The following H3-3B variants were observed in gnomAD, a reference collection of about 807,000 sequenced individuals.
The protein encoded by H3-3B is H3.3 histone B.
In H3-3B, 2 loss-of-function variants were observed where a neutral mutation model predicts 13.1. The ratio of observed to expected loss-of-function variants is 0.15; its 90% CI spans 0.06 to 0.48. The LOEUF (loss-of-function observed/expected upper bound fraction) is 0.48. Among genes scored for constraint, H3-3B ranks in the 20% least tolerant of loss-of-function variants. The probability of loss-of-function intolerance (pLI) is 0.97; values close to 1 mark genes in which losing one functional copy is unlikely to be tolerated. For missense variants in H3-3B, 39 were observed against 186.0 expected (o/e 0.21, Z 4.60); for synonymous variants, 133 against 75.8 (o/e 1.76, Z -3.92).
chr17:75,779,429 G>T (rs1233990583), intron 1 of H3-3B: 4 of 334,544 alleles, frequency 1.2e-5, no homozygotes, highest in Non-Finnish European at 2.1e-5. Context: ...TCCTCGACGG[G>T]CGGAGGCCCG....
At position 75,779,082 on chromosome 17, in the gene H3-3B, G is replaced by C. The variant is rs746293947; in HGVS notation, c.93C>G (p.Pro31=). 6.7e-5 allele frequency: 107 copies of C among 1,607,098 alleles called. No homozygotes were observed. Among genetic ancestry groups the C allele is most frequent in the Non-Finnish European group, 8.4e-5 (99 of 1,177,444 alleles). ...GAGGCTTCTTCACCCCGCCGGTAGAGGGAGCGCTTTTCCTGGCGGCTTTCG... is the reference window on the plus strand; with the variant it reads ...GAGGCTTCTTCACCCCGCCGGTAGACGGAGCGCTTTTCCTGGCGGCTTTCG... ...LATKAARKSA[P]STGGVKKPHR... is the part of the protein sequence containing the mutation. The change falls in exon 2 of 4, where the codon CCC becomes CCG. Residue 31 remains proline, a synonymous_variant. Coordinates refer to ENST00000254810, the MANE Select transcript of H3-3B (RefSeq NM_005324.5).
At position 75,778,256 on chromosome 17, in the gene H3-3B, C is replaced by T. The variant is rs1347488706; in HGVS notation, c.*339G>A. 1 of 223,546 alleles carries T rather than the reference C, an allele frequency of 4.5e-6. No homozygotes were observed. Among genetic ancestry groups the T allele is most frequent in the East Asian group, 1.2e-4 (1 of 8,672 alleles). The allele number at this position is 223,546 out of a possible 1,614,324, so 13.8% of individuals were successfully genotyped here. A position where few individuals can be genotyped will look rare whatever the true frequency, so the allele number is the denominator to read the frequency against. ...CAATTGTTAAACACTTGGATCAAGT[C>T]ATAACCAGTTTTATTGCAAAAGGAC... On this transcript the variant is annotated 3_prime_UTR_variant, in exon 4 of 4. Coordinates refer to ENST00000254810, the MANE Select transcript of H3-3B (RefSeq NM_005324.5).
At chr17:75,779,592 G>C (rs1444482330) in intron 1 of H3-3B, 65 bp downstream of exon 1, 1 of 155,344 alleles carries the variant, frequency 6.4e-6, no homozygotes, top group East Asian at 1.9e-4. Context: ...GCTCCCAACG[G>C]CCGCGGCGCG....
At position 75,778,578 on chromosome 17, in the gene H3-3B, A is replaced by G. The variant is rs543139829; in HGVS notation, c.*17T>C. Reference sequence around the variant, plus strand: ...TTTACAGAATTTACTACAAAACGCCATAAAAACTGCCTTCACTTAAGCTCT... The same window carrying G: ...TTTACAGAATTTACTACAAAACGCCGTAAAAACTGCCTTCACTTAAGCTCT... On this transcript the variant is annotated 3_prime_UTR_variant, in exon 4 of 4. Transcript: ENST00000254810. 25 of 1,603,288 alleles carry G rather than the reference A, an allele frequency of 1.6e-5. No homozygotes were observed. The East Asian group carries it at 4.0e-4, about 26-fold the overall frequency.
intron 1 of H3-3B, chr17:75,779,450 A>C: frequency 3.4e-6 from 1 of 291,612 alleles, no homozygotes; most frequent in South Asian, 1.4e-4. Flanking sequence ...ACTGCCCGGA[A>C]CCCGGCGTCG....
At position 75,776,454 on chromosome 17, in the gene H3-3B, TTA is replaced by T. The variant is rs1166351935; in HGVS notation, c.*2139_*2140del. 7 of 152,310 alleles carry T rather than the reference TTA, an allele frequency of 4.6e-5. No individual in the cohort carries two copies. Among genetic ancestry groups the T allele is most frequent in the Admixed American group, 1.3e-4 (2 of 15,294 alleles). The allele number at this position is 152,310 out of a possible 1,614,324, so 9.4% of individuals were successfully genotyped here. ...AAATCTTAACTTCAAAAATTTTATT[TTA>T]GTCTCATCCATCAAGGGCATAGGAT... On this transcript the variant is annotated 3_prime_UTR_variant, in exon 4 of 4. Coordinates refer to ENST00000254810, the MANE Select transcript of H3-3B (RefSeq NM_005324.5).
rs1599343122 is a variant in H3-3B at position 75,778,435 on chromosome 17, G to A, written c.*160C>T. On this transcript the variant is annotated 3_prime_UTR_variant, in exon 4 of 4. Transcript: ENST00000254810. ...GAGCAACAGTGCTCACATCACTGAG[G>A]TCTGTGAACAGTCACTTTTCGCATT... 5.1e-6 allele frequency: 5 copies of A among 973,318 alleles called. No individual in the cohort carries two copies. Among genetic ancestry groups the A allele is most frequent in the South Asian group, 1.6e-5 (1 of 61,668 alleles). 60.3% of individuals were successfully genotyped at this position (973,318 alleles called of 1,614,324 possible).
rs891146876 is a variant in H3-3B, at chr17:75,777,680, C to T, written c.*915G>A. 1 of 152,356 alleles carries T rather than the reference C, an allele frequency of 6.6e-6. No individual in the cohort carries two copies. The highest frequency in any genetic ancestry group is 1.5e-5 in the Non-Finnish European group (1 of 68,024). 9.4% of individuals were successfully genotyped at this position (152,356 alleles called of 1,614,324 possible). On this transcript the variant is annotated 3_prime_UTR_variant, in exon 4 of 4. Coordinates refer to ENST00000254810, the MANE Select transcript of H3-3B (RefSeq NM_005324.5). Reference sequence around the variant, plus strand: ...CCAAGTTTTTATAATACAAATGCCACAAGAAAAAGAACTTCGGTACTGTTT... The same window carrying T: ...CCAAGTTTTTATAATACAAATGCCATAAGAAAAAGAACTTCGGTACTGTTT...
Position 75,778,977 on chromosome 17 carries a change from G to C in H3-3B, c.129-14C>G, listed in dbSNP as rs766917543. ...ACGGTCCCGGGCCTGCAGCGAGCAG[G>C]GGAGGAGTGAGCGGACGCTGCCGCA... is the stretch of plus-strand genomic sequence containing the variant. On this transcript the variant is annotated splice_polypyrimidine_tract_variant and intron_variant, in intron 2 of 3. Transcript: ENST00000254810. The C allele has an allele frequency of 6.2e-7, 1 of 1,613,906 alleles. No homozygotes were observed. Among genetic ancestry groups the C allele is most frequent in the African/African-American group, 1.3e-5 (1 of 74,952 alleles).
chr17:75,777,391 T>C lies in H3-3B; in HGVS notation c.*1204A>G, dbSNP rs1286990876. On this transcript the variant is annotated 3_prime_UTR_variant, in exon 4 of 4. Coordinates refer to ENST00000254810, the MANE Select transcript of H3-3B (RefSeq NM_005324.5). ...AAATGATCTAAGTTCAAAACATTAG[T>C]ATACAAGGACCTAGATAATGGGACA... The C allele has an allele frequency of 1.3e-5, 2 of 152,636 alleles. No homozygotes were observed. Among genetic ancestry groups the C allele is most frequent in the African/African-American group, 4.8e-5 (2 of 41,456 alleles). 9.5% of individuals were successfully genotyped at this position (152,636 alleles called of 1,614,324 possible). A position where few individuals can be genotyped will look rare whatever the true frequency, so the allele number is the denominator to read the frequency against.
rs1392198991 is a variant in H3-3B at position 75,776,996 on chromosome 17, A to AC, written c.*1598dup. 6.6e-6 allele frequency: 1 copy of AC among 152,198 alleles called. No homozygotes were observed. Among genetic ancestry groups the AC allele is most frequent in the Non-Finnish European group, 1.5e-5 (1 of 68,038 alleles). 9.4% of individuals were successfully genotyped at this position (152,198 alleles called of 1,614,324 possible). On this transcript the variant is annotated 3_prime_UTR_variant, in exon 4 of 4. Coordinates refer to ENST00000254810, the MANE Select transcript of H3-3B (RefSeq NM_005324.5). ...CTCCAAAATATCACATTTGAAACTA[A>AC]CCCAAACTTTTGAGAAAGCAATTTT...
rs750002250 is a variant in H3-3B, at chr17:75,778,791, C to T, written c.282+19G>A. ...CGGAAACCGCCCAGCCCTCCCCCGG[C>T]TCCAGGCCTTTGTCTTACCTGCAGC... On this transcript the variant is annotated intron_variant, in intron 3 of 3. Transcript: ENST00000254810. 1.2e-6 allele frequency: 2 copies of T among 1,614,158 alleles called. No homozygotes were observed. The highest frequency in any genetic ancestry group is 8.5e-7 in the Non-Finnish European group (1 of 1,180,016).
intron 1 of H3-3B, 64 bp downstream of exon 1, chr17:75,779,593 C>CCGCGGCG (rs1298630263): frequency 1.3e-5 from 2 of 155,554 alleles, no homozygotes; most frequent in African/African-American, 2.4e-5. Context: ...CTCCCAACGG[C>CCGCGGCG]CGCGGCGCGC....
In H3-3B at chr17:75,779,204, G is replaced by A. The variant is rs140117815; in HGVS notation, c.-10-20C>T. On this transcript the variant is annotated intron_variant, in intron 1 of 3. Coordinates refer to ENST00000254810, the MANE Select transcript of H3-3B (RefSeq NM_005324.5). ...TTTCACCTAAGAAAGACGCCCCGAAGATAAGGCCGCCGCGCTCACCCGGGC... is the reference window on the plus strand; with the variant it reads ...TTTCACCTAAGAAAGACGCCCCGAAAATAAGGCCGCCGCGCTCACCCGGGC... 1.1e-3 allele frequency: 1,600 copies of A among 1,469,984 alleles called. 3 individuals carry two copies. The highest frequency in any genetic ancestry group is 1.0e-3 in the Non-Finnish European group (1,156 of 1,110,912). The allele number at this position is 1,469,984 out of a possible 1,614,324, so 91.1% of individuals were successfully genotyped here. A position where few individuals can be genotyped will look rare whatever the true frequency, so the allele number is the denominator to read the frequency against.
In H3-3B at chr17:75,778,497, T is replaced by G; in HGVS notation, c.*98A>C. ...AAAGATGGAATGACTTAAGTACAAA[T>G]GCAACATATTATAAACAATTTCTTA... On this transcript the variant is annotated 3_prime_UTR_variant, in exon 4 of 4. Coordinates refer to ENST00000254810, the MANE Select transcript of H3-3B (RefSeq NM_005324.5). 1 of 1,485,516 alleles carries G rather than the reference T, an allele frequency of 6.7e-7. No individual in the cohort carries two copies. The highest frequency in any genetic ancestry group is 9.1e-7 in the Non-Finnish European group (1 of 1,094,950). 92.0% of individuals were successfully genotyped at this position (1,485,516 alleles called of 1,614,324 possible). A position where few individuals can be genotyped will look rare whatever the true frequency, so the allele number is the denominator to read the frequency against.
Position 75,779,195 on chromosome 17 carries a change from C to T in H3-3B, c.-10-11G>A. On this transcript the variant is annotated splice_polypyrimidine_tract_variant and intron_variant, in intron 1 of 3. Transcript: ENST00000254810. ...GCCATTTTCTTTCACCTAAGAAAGA[C>T]GCCCCGAAGATAAGGCCGCCGCGCT... 1.4e-6 allele frequency: 2 copies of T among 1,479,500 alleles called. No individual in the cohort carries two copies. Among genetic ancestry groups the T allele is most frequent in the Non-Finnish European group, 1.8e-6 (2 of 1,115,290 alleles). 91.6% of individuals were successfully genotyped at this position (1,479,500 alleles called of 1,614,324 possible). A position where few individuals can be genotyped will look rare whatever the true frequency, so the allele number is the denominator to read the frequency against.
Position 75,777,697 on chromosome 17 carries a change from G to A in H3-3B, c.*898C>T, listed in dbSNP as rs2061645271. On this transcript the variant is annotated 3_prime_UTR_variant, in exon 4 of 4. Transcript: ENST00000254810. ...AAATGCCACAAGAAAAAGAACTTCGGTACTGTTTCCTCAGCAGAGGAGAAA... is the reference window on the plus strand; with the variant it reads ...AAATGCCACAAGAAAAAGAACTTCGATACTGTTTCCTCAGCAGAGGAGAAA... 2 of 152,356 alleles carry A rather than the reference G, an allele frequency of 1.3e-5. No individual in the cohort carries two copies. The highest frequency in any genetic ancestry group is 4.8e-5 in the African/African-American group (2 of 41,412). The allele number at this position is 152,356 out of a possible 1,614,324, so 9.4% of individuals were successfully genotyped here.
At position 75,778,912 on chromosome 17, in the gene H3-3B, C is replaced by T. The variant is rs753734696; in HGVS notation, c.180G>A (p.Glu60=). 13 of 1,614,054 alleles carry T rather than the reference C, an allele frequency of 8.1e-6. No individual in the cohort carries two copies. Among genetic ancestry groups the T allele is most frequent in the Admixed American group, 3.3e-5 (2 of 60,000 alleles). Reference sequence around the variant, plus strand: ...GGAAGGGCAGCTTCCGGATGAGCAGCTCGGTCGACTTCTGATAACGACGAA... The same window carrying T: ...GGAAGGGCAGCTTCCGGATGAGCAGTTCGGTCGACTTCTGATAACGACGAA... ...REIRRYQKST[E]LLIRKLPFQR... is the part of the protein sequence containing the mutation. Residue 60 remains glutamate (E), a synonymous_variant, in exon 3 of 4, where the codon GAG becomes GAA. Transcript: ENST00000254810.
rs1367052794 is a variant in H3-3B, at chr17:75,776,695, T to C, written c.*1900A>G. ...GAGCCTTCTATGCCAGCCTGCAGAC[T>C]GGAGAAGGTTCACTAGTGTCACCCA... On this transcript the variant is annotated 3_prime_UTR_variant, in exon 4 of 4. Transcript: ENST00000254810. 1.3e-5 allele frequency: 2 copies of C among 152,230 alleles called. No individual in the cohort carries two copies. Among genetic ancestry groups the C allele is most frequent in the Non-Finnish European group, 2.9e-5 (2 of 68,038 alleles). 9.4% of individuals were successfully genotyped at this position (152,230 alleles called of 1,614,324 possible). A position where few individuals can be genotyped will look rare whatever the true frequency, so the allele number is the denominator to read the frequency against.
Sources: allele counts gnomAD v4.1 joint callset, GRCh38; gene constraint gnomAD v4.1.1; transcripts MANE v1.5; gene names NCBI Gene and HGNC (gene_info 2026-07-23, HGNC 2026-07-21).